IL4I1: variants seen among roughly 807,000 people sequenced by gnomAD.
The protein encoded by IL4I1 is L-amino-acid oxidase.
A neutral mutation model predicts 29.7 loss-of-function variants in IL4I1; 24 were observed. The ratio of observed to expected loss-of-function variants is 0.81; its 90% confidence interval spans 0.59 to 1.14. IL4I1 has a LOEUF of 1.14. IL4I1 is among the 50% of genes most tolerant of loss of function. IL4I1 has a pLI of 0.00. For synonymous variants in IL4I1, 371 were observed against 352.5 expected (o/e 1.05, Z -0.59); for missense variants, 686 against 785.6 (o/e 0.87, Z 1.52).
At chr19:49,916,907 C>T (rs866831846) in intron 2 of IL4I1, among the ~76,000 whole-genome samples, 8 of 152,304 alleles carry the variant, frequency 5.3e-5, no homozygotes, top group Middle Eastern at 3.4e-3. Flanking sequence ...GGCGGCTGAG[C>T]GAGACCCCGT....
At chr19:49,896,663 A>G (rs897488248) in intron 1 of IL4I1, among the ~76,000 whole-genome samples, 172 bp downstream of exon 1, 2 of 151,786 alleles carry the variant, frequency 1.3e-5, no homozygotes, top group African/African-American at 4.9e-5. Flanking sequence ...CGAACTCCTG[A>G]CCTTAGGTGA....
Position 49,891,436 on chromosome 19 carries a change from G to A in IL4I1, c.605C>T (p.Ala202Val), listed in dbSNP as rs61730216. The A allele has an allele frequency of 3.4e-3, 5,444 of 1,614,094 alleles. 15 individuals carry two copies. The highest frequency in any genetic ancestry group is 4.2e-3 in the Non-Finnish European group (4,933 of 1,179,988). Residue 202 changes from alanine (A) to valine (V), a missense_variant, in exon 6 of 8, where the codon GCG (alanine) becomes GTG (valine). Transcript: ENST00000391826. ...KDLKALGCRK[A>V]MKKFERHTLL... is the part of the protein sequence containing the mutation. ...CGTGTGCCTTTCAAACTTCTTCATCGCCTTTCTGCAGCCCAGTGCCTTGAG... is the reference window on the plus strand; with the variant it reads ...CGTGTGCCTTTCAAACTTCTTCATCACCTTTCTGCAGCCCAGTGCCTTGAG...
intron 2 of IL4I1, among the ~76,000 whole-genome samples, chr19:49,920,847 C>G (rs367630519): frequency 6.6e-6 from 1 of 152,146 alleles, no homozygotes; most frequent in Admixed American, 6.5e-5. Flanking sequence ...GGGGGAGGAA[C>G]GGCGCACACC....
intron 2 of IL4I1, among the ~76,000 whole-genome samples, chr19:49,914,454 C>G (rs1351176140): frequency 6.6e-6 from 1 of 152,182 alleles, no homozygotes; most frequent in Admixed American, 6.5e-5. Context: ...CTTGAGGTCA[C>G]CAAGGAAAGT....
At chr19:49,894,678 T>C (rs1487362402) in intron 4 of IL4I1, among the ~76,000 whole-genome samples, 2 of 150,396 alleles carry the variant, frequency 1.3e-5, no homozygotes, top group Non-Finnish European at 3.0e-5. Context: ...AGGATTAGGA[T>C]TGGGTTAAGA....
chr19:49,902,852 C>T (rs905258118), intron 3 of IL4I1, among the ~76,000 whole-genome samples: 6 of 151,468 alleles, frequency 4.0e-5, no homozygotes, highest in Non-Finnish European at 7.4e-5. Context: ...TGTGGTGGCT[C>T]ATGCCTGTAA....
At chr19:49,907,537 CTTT>C (rs4009637) in intron 2 of IL4I1, 14,443 of 317,940 alleles carry the variant, frequency 0.045, 1 homozygote, top group East Asian at 0.063. Flanking sequence ...CTGGGAGTTT[CTTT>C]TTTTTTTTTT....
intron 4 of IL4I1, 106 bp downstream of exon 4, chr19:49,894,962 G>T: frequency 1.2e-6 from 1 of 802,682 alleles, no homozygotes; most frequent in Non-Finnish European, 2.0e-6. Context: ...GGGGTTGGAG[G>T]CTGGGTTTGG....
Position 49,890,957 on chromosome 19 carries a change from G to A in IL4I1, c.773+14C>T. 5 of 235,348 alleles carry A rather than the reference G, an allele frequency of 2.1e-5. No homozygotes were observed. The highest frequency in any genetic ancestry group is 2.0e-5 in the Non-Finnish European group (3 of 149,018). The allele number at this position is 235,348 out of a possible 1,614,324, so 14.6% of individuals were successfully genotyped here. On this transcript the variant is annotated intron_variant, in intron 7 of 7. Coordinates refer to ENST00000391826, the MANE Select transcript of IL4I1 (RefSeq NM_152899.2). ...CCCCGCCCCCCCCCCCTGCCCGCCA[G>A]CCCCGCCCCTTACTGGAGTCTGTCG... is the stretch of plus-strand genomic sequence containing the variant.
Position 49,895,798 on chromosome 19 carries a change from C to G in IL4I1, c.252+17G>C, listed in dbSNP as rs771743953. Reference sequence around the variant, plus strand: ...AGCAGGAGGGACTCCAGGTAGACTGCAAGCAGTGCTTCCCACCTTGTGTCC... The same window carrying G: ...AGCAGGAGGGACTCCAGGTAGACTGGAAGCAGTGCTTCCCACCTTGTGTCC... On this transcript the variant is annotated intron_variant, in intron 3 of 7. Coordinates refer to ENST00000391826, the MANE Select transcript of IL4I1 (RefSeq NM_152899.2). 4 of 1,609,044 alleles carry G rather than the reference C, an allele frequency of 2.5e-6. No homozygotes were observed. In the Admixed American group the frequency reaches 5.0e-5, roughly 20 times the overall value.
intron 2 of IL4I1, among the ~76,000 whole-genome samples, chr19:49,926,921 T>C (rs553063515): frequency 4.0e-5 from 6 of 150,262 alleles, no homozygotes; most frequent in Non-Finnish European, 7.4e-5. Context: ...GGTGGCACAA[T>C]CTCGGCTTAC....
At chr19:49,911,177 C>T (rs1357112814) in intron 2 of IL4I1, 3 of 152,242 alleles carry the variant, frequency 2.0e-5, no homozygotes, top group African/African-American at 7.2e-5. Context: ...GCCAGGACTA[C>T]AGGCGTGAGC....
Position 49,890,301 on chromosome 19 carries a change from C to T in IL4I1, c.1073G>A (p.Ser358Asn), listed in dbSNP as rs757419146. The T allele has an allele frequency of 6.2e-7, 1 of 1,605,526 alleles. No individual in the cohort carries two copies. Among genetic ancestry groups the T allele is most frequent in the South Asian group, 1.1e-5 (1 of 90,004 alleles). The change falls in exon 8 of 8, where the codon AGC (serine) becomes AAC (asparagine). Residue 358 changes from serine (S) to asparagine (N), a missense_variant. Ser to Asn is a conservative substitution (Grantham distance 46). Transcript: ENST00000391826. ...HYVPATKVFL[S>N]FRRPFWREEH... ...CTCGCGCCAGAAGGGCCTGCGGAAG[C>T]TTAGGAACACCTTGGTGGCCGGCAC... is the stretch of plus-strand genomic sequence containing the variant.
rs528083527 is a variant in IL4I1 at position 49,907,602 on chromosome 19, T to C, written c.-227-3281A>G. The C allele has an allele frequency of 2.7e-5, 11 of 409,672 alleles. 1 individual carries two copies. Among genetic ancestry groups the C allele is most frequent in the South Asian group, 1.1e-4 (6 of 55,810 alleles). The allele number at this position is 409,672 out of a possible 1,614,324, so 25.4% of individuals were successfully genotyped here. On this transcript the variant is annotated intron_variant, in intron 2 of 9. Transcript: ENST00000341114. ...CCTAGGCTGGAGTGCAGTGGTGTGA[T>C]CTTGGTTCACTGCAACACCTCCTGG...
Position 49,889,716 on chromosome 19 carries a change from C to A in IL4I1, c.1658G>T (p.Gly553Val), listed in dbSNP as rs1286053188. ...GGTCGTGTTTTGGAGAGATAACTGG[C>A]CTTGGACTGGAGGGTGGCTGCCTTC... The part of the protein sequence containing the change: ...KEEGSHPPVQ[G>V]QLSLQNTTHT... Residue 553 changes from glycine to valine, a missense_variant, in exon 8 of 8, where the codon GGC (glycine) becomes GTC (valine). Transcript: ENST00000391826. 3 of 1,513,226 alleles carry A rather than the reference C, an allele frequency of 2.0e-6. No individual in the cohort carries two copies. The highest frequency in any genetic ancestry group is 8.8e-7 in the Non-Finnish European group (1 of 1,130,698). 93.7% of individuals were successfully genotyped at this position (1,513,226 alleles called of 1,614,324 possible).
intron 7 of IL4I1, 62 bp downstream of exon 7, chr19:49,890,909 C>T: frequency 7.9e-7 from 1 of 1,264,538 alleles, no homozygotes; most frequent in Non-Finnish European, 1.1e-6. Context: ...TCCTCCCACT[C>T]CCTGCTACTT....
chr19:49,915,197 A>G (rs1041950502), intron 2 of IL4I1, among the ~76,000 whole-genome samples: 1 of 152,004 alleles, frequency 6.6e-6, no homozygotes, highest in African/African-American at 2.4e-5. Flanking sequence ...ACATGCCCAC[A>G]CTCTGATCCA....
chr19:49,914,726 G>T (rs1224460389), intron 2 of IL4I1, among the ~76,000 whole-genome samples: 11 of 56,394 alleles, frequency 2.0e-4, no homozygotes, highest in South Asian at 1.7e-3. Context: ...CCAAGTCCCA[G>T]TTTTTTTTTT....
intron 2 of IL4I1, among the ~76,000 whole-genome samples, chr19:49,913,596 ACT>A (rs1410038676): frequency 6.6e-6 from 1 of 152,044 alleles, no homozygotes; most frequent in Non-Finnish European, 1.5e-5. Context: ...TGTCCGCGGG[ACT>A]CTCTCTACCT....
Sources: allele counts gnomAD v4.1 joint callset (sites outside exome capture counted in the v4.1 genomes callset), GRCh38; gene constraint gnomAD v4.1.1; transcripts MANE v1.5; gene names NCBI Gene and HGNC (gene_info 2026-07-23, HGNC 2026-07-21).